MAD1L1: variants seen among roughly 807,000 people sequenced by gnomAD.
MAD1L1 encodes the protein mitotic spindle assembly checkpoint protein MAD1.
Under a neutral mutation model 96.9 loss-of-function variants are expected in MAD1L1, and 95 were observed. The observed-to-expected ratio is 0.98, with a 90% CI of 0.83 to 1.16. The LOEUF (loss-of-function observed/expected upper bound fraction) is 1.16, where lower values mean the gene tolerates loss of function less well. Among genes scored for constraint, MAD1L1 ranks in the 50% most tolerant of loss-of-function variants. The pLI is 0.00. For missense variants in MAD1L1, 1,007 were observed against 954.4 expected (o/e 1.06, Z -0.73); for synonymous variants, 473 against 396.6 (o/e 1.19, Z -2.29).
At chr7:2,070,637 C>G (rs3800872) in intron 11 of MAD1L1, among the ~76,000 whole-genome samples, 30,149 of 152,294 alleles carry the variant, frequency 0.2, 3,628 homozygotes, top group South Asian at 0.38. Context: ...GCACACGACT[C>G]TATTGAGTAC....
intron 10 of MAD1L1, among the ~76,000 whole-genome samples, chr7:2,188,759 A>G (rs1791578349): frequency 6.6e-6 from 1 of 152,210 alleles, no homozygotes; most frequent in Admixed American, 6.5e-5. Flanking sequence ...AAGGTTTATG[A>G]CATGGGATTT....
At chr7:2,228,105 C>T (rs550466608) in intron 3 of MAD1L1, among the ~76,000 whole-genome samples, 142 of 152,208 alleles carry the variant, frequency 9.3e-4, no homozygotes, top group Non-Finnish European at 1.7e-3. Flanking sequence ...GCCATCACTC[C>T]GCTCACCACC....
chr7:1,985,109 C>T (rs1384589441), intron 14 of MAD1L1, among the ~76,000 whole-genome samples: 2 of 152,176 alleles, frequency 1.3e-5, no homozygotes, highest in Non-Finnish European at 2.9e-5. Context: ...ACCTGGGGTA[C>T]TCAGATCAAA....
At position 1,815,806 on chromosome 7, in the gene MAD1L1, A is replaced by T. The variant is rs964802390; in HGVS notation, c.*264T>A. The T allele has an allele frequency of 2.3e-5, 11 of 487,074 alleles. No homozygotes were observed. Among genetic ancestry groups the T allele is most frequent in the African/African-American group, 1.6e-4 (8 of 51,020 alleles). 30.2% of individuals were successfully genotyped at this position (487,074 alleles called of 1,614,324 possible). A position where few individuals can be genotyped will look rare whatever the true frequency, so the allele number is the denominator to read the frequency against. ...GGCGAGTGGGAGTGTCTAGGGGAGAAGATTTTATTTCACAAGGTGAGGAAC... is the reference window on the plus strand; with the variant it reads ...GGCGAGTGGGAGTGTCTAGGGGAGATGATTTTATTTCACAAGGTGAGGAAC... On this transcript the variant is annotated 3_prime_UTR_variant, in exon 19 of 19. Transcript: ENST00000265854.
intron 12 of MAD1L1, among the ~76,000 whole-genome samples, chr7:2,033,382 G>C (rs528716326): frequency 6.6e-6 from 1 of 152,346 alleles, no homozygotes; most frequent in Admixed American, 6.5e-5. Flanking sequence ...GGCCCTGAAA[G>C]GCTGTGGGCC....
At chr7:1,900,897 G>C (rs1787200266) in intron 17 of MAD1L1, among the ~76,000 whole-genome samples, 1 of 152,190 alleles carries the variant, frequency 6.6e-6, no homozygotes, top group Non-Finnish European at 1.5e-5. Context: ...GTTGGTATGA[G>C]GTCCCAGGGC....
intron 12 of MAD1L1, among the ~76,000 whole-genome samples, chr7:2,055,410 G>A (rs1784346522): frequency 2.6e-5 from 4 of 152,166 alleles, no homozygotes; most frequent in African/African-American, 9.7e-5. Flanking sequence ...CTGGCCCGGA[G>A]CAGCACAGGA....
At chr7:1,995,218 G>A (rs1584023951) in intron 14 of MAD1L1, among the ~76,000 whole-genome samples, 1 of 152,232 alleles carries the variant, frequency 6.6e-6, no homozygotes, top group East Asian at 1.9e-4. Context: ...GAAGCCTCGG[G>A]GGGCACCTCG....
At chr7:2,129,188 G>A (rs559685817) in intron 11 of MAD1L1, among the ~76,000 whole-genome samples, 7 of 152,338 alleles carry the variant, frequency 4.6e-5, no homozygotes, top group Non-Finnish European at 1.0e-4. Flanking sequence ...GGGAGCTGGG[G>A]CCACCAGGGC....
At chr7:2,184,910 G>C (rs761077511) in intron 10 of MAD1L1, among the ~76,000 whole-genome samples, 4 of 152,142 alleles carry the variant, frequency 2.6e-5, no homozygotes, top group African/African-American at 9.7e-5. Flanking sequence ...GCTGAGGCAG[G>C]AGACTCACTC....
intron 11 of MAD1L1, among the ~76,000 whole-genome samples, chr7:2,096,302 C>G (rs114619967): frequency 6.6e-6 from 1 of 152,338 alleles, no homozygotes; most frequent in African/African-American, 2.4e-5. Context: ...CACAAAGACC[C>G]AGTCCTCCGG....
chr7:1,911,047 G>C (rs1295776023), intron 17 of MAD1L1, among the ~76,000 whole-genome samples: 3 of 150,636 alleles, frequency 2.0e-5, no homozygotes, highest in African/African-American at 7.4e-5. Context: ...GCCCTGATTA[G>C]CCGTGAGGAT....
intron 18 of MAD1L1, among the ~76,000 whole-genome samples, chr7:1,831,091 C>T (rs1314301815): frequency 8.5e-5 from 13 of 152,410 alleles, no homozygotes; most frequent in African/African-American, 3.1e-4. Context: ...TTCACATGAG[C>T]ACACCTCGCT....
intron 13 of MAD1L1, among the ~76,000 whole-genome samples, chr7:2,007,530 T>C (rs1423659064): frequency 6.6e-6 from 1 of 151,500 alleles, no homozygotes; most frequent in Non-Finnish European, 1.5e-5. Context: ...AAAAATTAGC[T>C]GGGTGTGGTG....
At chr7:1,936,918 C>T (rs1306824709) in intron 16 of MAD1L1, 21 bp from the exon 17 acceptor site, 1 of 1,562,768 alleles carries the variant, frequency 6.4e-7, no homozygotes, top group South Asian at 1.2e-5. Flanking sequence ...ACACACAGCA[C>T]AGGTCACCAT....
At chr7:1,972,655 T>C (rs1005983120) in intron 15 of MAD1L1, among the ~76,000 whole-genome samples, 1 of 152,184 alleles carries the variant, frequency 6.6e-6, no homozygotes, top group African/African-American at 2.4e-5. Flanking sequence ...TTTCTCTATT[T>C]TTTTTTTAAT....
intron 17 of MAD1L1, among the ~76,000 whole-genome samples, chr7:1,916,586 G>A (rs778733212): frequency 1.3e-5 from 2 of 152,190 alleles, no homozygotes; most frequent in South Asian, 4.1e-4. Flanking sequence ...GAAGGGACTC[G>A]ACTTAGCCCC....
chr7:1,912,019 G>T (rs764510907), intron 17 of MAD1L1, among the ~76,000 whole-genome samples: 8 of 152,250 alleles, frequency 5.3e-5, no homozygotes, highest in Non-Finnish European at 1.0e-4. Context: ...TCAGACACTT[G>T]TCGGGGGTCT....
intron 4 of MAD1L1, among the ~76,000 whole-genome samples, chr7:2,224,875 G>C (rs1317616909): frequency 6.6e-6 from 1 of 152,098 alleles, no homozygotes; most frequent in Non-Finnish European, 1.5e-5. Context: ...CTTTGCTAGG[G>C]CCCTCCAACC....
Sources: allele counts gnomAD v4.1 joint callset (sites outside exome capture counted in the v4.1 genomes callset), GRCh38; gene constraint gnomAD v4.1.1; transcripts MANE v1.5; gene names NCBI Gene and HGNC (gene_info 2026-07-23, HGNC 2026-07-21).